Variants in MTUS2 observed in about 807,000 individuals in gnomAD.
MTUS2 encodes the protein microtubule-associated tumor suppressor candidate 2.
In MTUS2, 40 loss-of-function variants were observed where a neutral mutation model predicts 114.1. That is an observed-to-expected ratio of 0.35 (90% CI 0.27 to 0.46). MTUS2 has a LOEUF of 0.46. Ranked by LOEUF, MTUS2 falls within the 20% of genes least tolerant of loss-of-function variation. The probability of loss-of-function intolerance (pLI) is 1.00; values close to 1 mark genes in which losing one functional copy is unlikely to be tolerated. For missense variants in MTUS2, 1,679 were observed against 1,705.4 expected, an observed-to-expected ratio of 0.98 and a Z score of 0.27; for synonymous variants, 688 against 672.0, an observed-to-expected ratio of 1.02 and a Z score of -0.37.
At chr13:28,870,654 T>A (rs576135834) in intron 2 of MTUS2, among the ~76,000 whole-genome samples, 1 of 152,146 alleles carries the variant, frequency 6.6e-6, no homozygotes, top group Non-Finnish European at 1.5e-5. Flanking sequence ...CTGAGAGAGA[T>A]AGTAAGTTGT....
At chr13:28,852,693 C>T (rs1015874858) in intron 2 of MTUS2, among the ~76,000 whole-genome samples, 6 of 151,958 alleles carry the variant, frequency 3.9e-5, no homozygotes, top group Non-Finnish European at 5.9e-5. Context: ...AGTGAAACCC[C>T]GTTTCCACTA....
intron 8 of MTUS2, among the ~76,000 whole-genome samples, chr13:29,437,524 T>C (rs1174765807): frequency 6.6e-6 from 1 of 152,226 alleles, no homozygotes; most frequent in Non-Finnish European, 1.5e-5. Flanking sequence ...ATTATACTGC[T>C]GTTAGAATGA....
chr13:29,127,059 C>A (rs1891550261), intron 5 of MTUS2, among the ~76,000 whole-genome samples: 1 of 152,200 alleles, frequency 6.6e-6, no homozygotes, highest in African/African-American at 2.4e-5. Flanking sequence ...CTCTTGTGTA[C>A]CCACATGCGT....
chr13:29,273,511 G>T (rs1897952801), intron 5 of MTUS2, among the ~76,000 whole-genome samples: 1 of 152,108 alleles, frequency 6.6e-6, no homozygotes, highest in South Asian at 2.1e-4. Flanking sequence ...GTTCCAGCCA[G>T]GGGATCTAGA....
At chr13:29,153,287 A>G (rs1892731416) in intron 5 of MTUS2, among the ~76,000 whole-genome samples, 1 of 152,204 alleles carries the variant, frequency 6.6e-6, no homozygotes, top group Admixed American at 6.5e-5. Flanking sequence ...AAGTTAAAAA[A>G]GAACCTCACA....
In MTUS2 at chr13:29,269,667, T is replaced by G. The variant is rs115431590; in HGVS notation, c.2645-12037T>G. 9.4e-3 allele frequency among the ~76,000 whole-genome samples: 1,427 copies of G among 152,242 alleles called. 21 individuals are homozygous for G. The highest frequency in any genetic ancestry group is 0.033 in the African/African-American group (1,352 of 41,522). ...ACAGTTCACTGGTTCCTTGAAAAAT[T>G]AACACTAGAACTACCATATGACCCA... On this transcript the variant is annotated intron_variant, in intron 5 of 15. Transcript: ENST00000612955.
Position 29,505,420 on chromosome 13 carries a change from A to T in MTUS2, c.*2214A>T, listed in dbSNP as rs1022514574. On this transcript the variant is annotated 3_prime_UTR_variant, in exon 16 of 16. Coordinates refer to ENST00000612955, the MANE Select transcript of MTUS2 (RefSeq NM_001033602.4). ...GCCCTAACCTGCCCTGACCTTGGGT[A>T]CTTGAGCTAATTTCCACGTGGCCCT... The T allele has an allele frequency of 8.7e-6, 2 of 229,904 alleles. No homozygotes were observed. Among genetic ancestry groups the T allele is most frequent in the African/African-American group, 4.5e-5 (2 of 44,902 alleles). 14.2% of individuals were successfully genotyped at this position (229,904 alleles called of 1,614,324 possible).
chr13:28,887,443 G>A (rs1487885485), intron 2 of MTUS2, among the ~76,000 whole-genome samples: 4 of 152,208 alleles, frequency 2.6e-5, no homozygotes, highest in African/African-American at 9.6e-5. Flanking sequence ...CTCATGCTGG[G>A]CACAGCGGGT....
intron 4 of MTUS2, among the ~76,000 whole-genome samples, chr13:29,075,940 C>T (rs756170110): frequency 8.5e-5 from 13 of 152,184 alleles, no homozygotes; most frequent in Non-Finnish European, 1.9e-4. Context: ...TATCCTTCTA[C>T]TCTTACACTT....
chr13:28,878,320 C>T (rs1338825696), intron 2 of MTUS2, among the ~76,000 whole-genome samples: 3 of 151,540 alleles, frequency 2.0e-5, no homozygotes, highest in Non-Finnish European at 4.4e-5. Flanking sequence ...CACACATATA[C>T]ATTTTTTGTT....
At chr13:29,115,870 A>G (rs561973634) in intron 5 of MTUS2, among the ~76,000 whole-genome samples, 1 of 152,332 alleles carries the variant, frequency 6.6e-6, no homozygotes, top group East Asian at 1.9e-4. Flanking sequence ...CCTCCAACTG[A>G]TTCTTTAAAA....
chr13:29,289,215 A>G (rs1376685785), intron 6 of MTUS2, among the ~76,000 whole-genome samples: 1 of 152,184 alleles, frequency 6.6e-6, no homozygotes, highest in Non-Finnish European at 1.5e-5. Context: ...TTATATCTGT[A>G]AAAACAGCAA....
chr13:29,306,064 A>C (rs1282067275), intron 6 of MTUS2, among the ~76,000 whole-genome samples: 1 of 152,228 alleles, frequency 6.6e-6, no homozygotes, highest in Non-Finnish European at 1.5e-5. Context: ...AGATTCAGAA[A>C]AGGCCTTTAA....
intron 2 of MTUS2, among the ~76,000 whole-genome samples, chr13:28,938,107 G>A (rs12584674): frequency 2.0e-5 from 3 of 152,074 alleles, no homozygotes; most frequent in South Asian, 2.1e-4. Flanking sequence ...TGTCTTGGCC[G>A]GGTGCGGTGG....
intron 4 of MTUS2, among the ~76,000 whole-genome samples, chr13:29,035,047 G>C (rs1271108357): frequency 6.6e-6 from 1 of 152,126 alleles, no homozygotes; most frequent in Non-Finnish European, 1.5e-5. Flanking sequence ...ATACCACCGT[G>C]ATACAGACAG....
chr13:29,039,376 T>A (rs921261140), intron 4 of MTUS2, among the ~76,000 whole-genome samples: 1 of 152,220 alleles, frequency 6.6e-6, no homozygotes, highest in African/African-American at 2.4e-5. Flanking sequence ...CGCCAGAAAC[T>A]GTGCAAAGCA....
chr13:29,389,415 G>GTATA lies in MTUS2; in HGVS notation c.3117+29943_3117+29944insATAT, dbSNP rs1555272462. Among the ~76,000 whole-genome samples, 141 of 90,032 alleles carry GTATA rather than the reference G, an allele frequency of 1.6e-3. 21 individuals carry two copies. Among genetic ancestry groups the GTATA allele is most frequent in the African/African-American group, 6.2e-3 (136 of 21,836 alleles). 59.1% of individuals were successfully genotyped at this position (90,032 alleles called of 152,430 possible). A position where few individuals can be genotyped will look rare whatever the true frequency, so the allele number is the denominator to read the frequency against. On this transcript the variant is annotated intron_variant, in intron 8 of 15. Coordinates refer to ENST00000612955, the MANE Select transcript of MTUS2 (RefSeq NM_001033602.4). ...TGTGTGTATATATGTATACACGTGT[G>GTATA]TGTGTATGTATACACGTGTGTGTAT...
chr13:28,960,503 A>G (rs1399113400), intron 2 of MTUS2, among the ~76,000 whole-genome samples: 3 of 152,214 alleles, frequency 2.0e-5, no homozygotes, highest in Non-Finnish European at 4.4e-5. Flanking sequence ...TCCTCATACA[A>G]TTGAATGTTA....
At chr13:29,073,657 T>C (rs1889047484) in intron 4 of MTUS2, among the ~76,000 whole-genome samples, 1 of 152,140 alleles carries the variant, frequency 6.6e-6, no homozygotes, top group African/African-American at 2.4e-5. Context: ...GCAGGCACCA[T>C]GTGTACATCT....
Sources: allele counts gnomAD v4.1 joint callset (sites outside exome capture counted in the v4.1 genomes callset), GRCh38; gene constraint gnomAD v4.1.1; transcripts MANE v1.5; gene names NCBI Gene and HGNC (gene_info 2026-07-23, HGNC 2026-07-21).